Variants in PRELID2 observed in about 807,000 individuals in gnomAD.
PRELID2 encodes PRELI domain containing 2.
A neutral mutation model predicts 28.4 loss-of-function variants in PRELID2; 25 were observed. The ratio of observed to expected loss-of-function variants is 0.88; its 90% confidence interval spans 0.64 to 1.23. PRELID2 has a LOEUF of 1.23. Ranked by LOEUF, PRELID2 falls within the 50% of genes most tolerant of loss-of-function variation. PRELID2 has a pLI of 0.00. For missense variants in PRELID2, 201 were observed against 214.4 expected, an observed-to-expected ratio of 0.94 and a Z score of 0.39; for synonymous variants, 76 against 71.6, an observed-to-expected ratio of 1.06 and a Z score of -0.31.
At chr5:145,254,795 G>A in the PRELID2 span, among the ~76,000 whole-genome samples, 3 of 151,902 alleles carry the variant, frequency 2.0e-5, no homozygotes, top group Non-Finnish European at 2.9e-5. Context: ...ACTGAGAGAT[G>A]GGCAAGAGAA....
chr5:145,393,290 T>C, the PRELID2 span, among the ~76,000 whole-genome samples: 1 of 152,106 alleles, frequency 6.6e-6, no homozygotes, highest in African/African-American at 2.4e-5. Context: ...CCAAATGTCA[T>C]GCTCTTCAGG....
At chr5:145,740,910 GTA>G (rs1561567010) in intron 1 of PRELID2, among the ~76,000 whole-genome samples, 9,826 of 78,344 alleles carry the variant, frequency 0.13, 1,601 homozygotes, top group Non-Finnish European at 0.18. Context: ...AAATATATAT[GTA>G]CATATATTTA....
At chr5:145,423,523 C>T in the PRELID2 span, among the ~76,000 whole-genome samples, 9 of 150,940 alleles carry the variant, frequency 6.0e-5, no homozygotes, top group East Asian at 1.9e-4. Flanking sequence ...TCCAGTTGAT[C>T]GCATCGGCTC....
chr5:145,436,608 T>C, the PRELID2 span, among the ~76,000 whole-genome samples: 1 of 152,194 alleles, frequency 6.6e-6, no homozygotes, highest in Admixed American at 6.5e-5. Flanking sequence ...GTTTTTGTTT[T>C]TGTTTTTTAC....
downstream of PRELID2, chr5:145,754,260 T>C (rs1186184439): frequency 1.3e-5 from 2 of 152,312 alleles, no homozygotes; most frequent in East Asian, 3.9e-4. Flanking sequence ...AGGTATAACA[T>C]GCCCTTCTCT....
chr5:145,788,549 T>A (rs1305285319), intron 5 of PRELID2, among the ~76,000 whole-genome samples: 1 of 152,054 alleles, frequency 6.6e-6, no homozygotes, highest in Non-Finnish European at 1.5e-5. Context: ...TTGAGAAAAA[T>A]TCACAGAAAT....
the PRELID2 span, among the ~76,000 whole-genome samples, chr5:145,418,181 G>A: frequency 2.0e-5 from 3 of 151,918 alleles, no homozygotes; most frequent in African/African-American, 4.8e-5. Flanking sequence ...CAGATAACAA[G>A]GAAAGTGAAT....
chr5:145,783,834 C>T (rs1751803227), intron 5 of PRELID2, among the ~76,000 whole-genome samples: 1 of 152,160 alleles, frequency 6.6e-6, no homozygotes, highest in Admixed American at 6.6e-5. Context: ...CGGTTTTATG[C>T]TCTTTTCCTC....
chr5:145,326,203 G>C, the PRELID2 span, among the ~76,000 whole-genome samples: 1 of 152,068 alleles, frequency 6.6e-6, no homozygotes, highest in African/African-American at 2.4e-5. Context: ...AAGAGGTCTT[G>C]GTATGTTGCC....
At chr5:145,261,061 T>G in the PRELID2 span, among the ~76,000 whole-genome samples, 1 of 152,124 alleles carries the variant, frequency 6.6e-6, no homozygotes, top group Non-Finnish European at 1.5e-5. Context: ...CCAACTTCCC[T>G]GGTGACCTAT....
intron 1 of PRELID2, among the ~76,000 whole-genome samples, chr5:145,560,511 C>A (rs1447046808): frequency 6.6e-6 from 1 of 152,134 alleles, no homozygotes; most frequent in Non-Finnish European, 1.5e-5. Context: ...GTGCTGCTGA[C>A]CCACTATTAC....
At chr5:145,355,726 A>C in the PRELID2 span, among the ~76,000 whole-genome samples, 2 of 152,156 alleles carry the variant, frequency 1.3e-5, no homozygotes, top group African/African-American at 4.8e-5. Flanking sequence ...CACTGGTTCA[A>C]ATCTAATTTC....
intron 5 of PRELID2, among the ~76,000 whole-genome samples, chr5:145,780,940 T>C (rs1264235810): frequency 1.3e-5 from 2 of 150,892 alleles, no homozygotes; most frequent in African/African-American, 4.9e-5. Context: ...GAAAAAGGAG[T>C]CAAATCTCAG....
intron 1 of PRELID2, among the ~76,000 whole-genome samples, chr5:145,508,889 T>A (rs1297620016): frequency 6.6e-6 from 1 of 152,192 alleles, no homozygotes; most frequent in Non-Finnish European, 1.5e-5. Context: ...GAATCAGGGA[T>A]GCCCTTTGGA....
rs995688648 is a variant in PRELID2 at position 145,757,833 on chromosome 5, A to G, written c.*2703T>C. ...AAGTAAATGAAAAAAAAAAAAAAAA[A>G]GACCATAAAATTTCTAAGCCATATA... On this transcript the variant is annotated 3_prime_UTR_variant, in exon 7 of 7. Coordinates refer to ENST00000683046, the MANE Select transcript of PRELID2 (RefSeq NM_205846.3). 6.6e-6 allele frequency among the ~76,000 whole-genome samples: 1 copy of G among 151,202 alleles called. No homozygotes were observed. The highest frequency in any genetic ancestry group is 6.6e-5 in the Admixed American group (1 of 15,134).
the PRELID2 span, among the ~76,000 whole-genome samples, chr5:145,282,039 A>G: frequency 6.6e-6 from 1 of 152,192 alleles, no homozygotes; most frequent in Non-Finnish European, 1.5e-5. Context: ...TGTTATCCTC[A>G]GGAATAAGAA....
intron 1 of PRELID2, among the ~76,000 whole-genome samples, chr5:145,733,018 G>A (rs1238184810): frequency 6.6e-6 from 1 of 150,938 alleles, no homozygotes; most frequent in Non-Finnish European, 1.5e-5. Context: ...AATTCTCGGT[G>A]GAAGAATGGT....
At chr5:145,410,502 A>C in the PRELID2 span, among the ~76,000 whole-genome samples, 1 of 152,210 alleles carries the variant, frequency 6.6e-6, no homozygotes, top group African/African-American at 2.4e-5. Context: ...ACTGTTCTGC[A>C]TGGTTTGGGA....
chr5:145,364,737 A>C, the PRELID2 span, among the ~76,000 whole-genome samples: 2 of 151,924 alleles, frequency 1.3e-5, no homozygotes, highest in Non-Finnish European at 2.9e-5. Flanking sequence ...TGCAGACAAC[A>C]CTTGGATTTC....
Sources: allele counts gnomAD v4.1 joint callset (sites outside exome capture counted in the v4.1 genomes callset), GRCh38; gene constraint gnomAD v4.1.1; transcripts MANE v1.5; gene names NCBI Gene and HGNC (gene_info 2026-07-23, HGNC 2026-07-21).